The following PPM1E variants were observed in gnomAD, a reference collection of about 807,000 sequenced individuals.
The protein encoded by PPM1E is protein phosphatase 1E.
In PPM1E, 20 loss-of-function variants were observed where a neutral mutation model predicts 65.9. That is an observed-to-expected ratio of 0.30 (90% CI 0.21 to 0.44). The LOEUF (loss-of-function observed/expected upper bound fraction) is 0.44. PPM1E is among the 20% of genes least tolerant of loss of function. The pLI is 1.00. For missense variants in PPM1E, 713 were observed against 953.1 expected, an observed-to-expected ratio of 0.75 and a Z score of 3.32; for synonymous variants, 352 against 374.9, an observed-to-expected ratio of 0.94 and a Z score of 0.70.
rs568379332 is a variant in PPM1E at position 58,829,268 on chromosome 17, C to T, written c.464+72807C>T. Among the ~76,000 whole-genome samples, 16 of 152,202 alleles carry T rather than the reference C, an allele frequency of 1.1e-4. No individual in the cohort carries two copies. The South Asian group carries it at 3.3e-3, about 32-fold the overall frequency. ...TGTTGGTCAGGCTGGTCTCAAACTC[C>T]CAACCTCAGGTGATCCGTCTGCCTC... On this transcript the variant is annotated intron_variant, in intron 1 of 6. Transcript: ENST00000308249.
chr17:58,977,496 A>G (rs570891434), intron 6 of PPM1E, among the ~76,000 whole-genome samples: 1 of 152,016 alleles, frequency 6.6e-6, no homozygotes, highest in East Asian at 1.9e-4. Flanking sequence ...CCTAGATATG[A>G]GTAAGATGAG....
rs77856248 is a variant in PPM1E at position 58,756,093 on chromosome 17, G to A, written c.96G>A (p.Glu32=). The change falls in exon 1 of 7, where the codon GAG becomes GAA. Residue 32 remains glutamate (E), a synonymous_variant. Coordinates refer to ENST00000308249, the MANE Select transcript of PPM1E (RefSeq NM_014906.5). ...GACCGTGCGGCGGCGGCGAGCCGGAGCCGGAACCCGAACCCGAACCCGAAC... is the reference window on the plus strand; with the variant it reads ...GACCGTGCGGCGGCGGCGAGCCGGAACCGGAACCCGAACCCGAACCCGAAC... The part of the protein sequence containing the change: ...FRGPCGGGEP[E]PEPEPEPEPE... 1 of 1,323,036 alleles carries A rather than the reference G, an allele frequency of 7.6e-7. No homozygotes were observed. The highest frequency in any genetic ancestry group is 1.0e-6 in the Non-Finnish European group (1 of 970,902). The allele number at this position is 1,323,036 out of a possible 1,614,324, so 82.0% of individuals were successfully genotyped here. A position where few individuals can be genotyped will look rare whatever the true frequency, so the allele number is the denominator to read the frequency against.
Position 58,982,979 on chromosome 17 carries a change from G to A in PPM1E, c.*1948G>A. 1 of 1,446,572 alleles carries A rather than the reference G, an allele frequency of 6.9e-7. No individual in the cohort carries two copies. Among genetic ancestry groups the A allele is most frequent in the Middle Eastern group, 1.8e-4 (1 of 5,684 alleles). The allele number at this position is 1,446,572 out of a possible 1,614,324, so 89.6% of individuals were successfully genotyped here. A position where few individuals can be genotyped will look rare whatever the true frequency, so the allele number is the denominator to read the frequency against. ...ATTGGTACACATTATAGTCCAAAGT[G>A]CTTAGCGAAGTAAAAAAAAAAGCTT... On this transcript the variant is annotated 3_prime_UTR_variant, in exon 7 of 7. Transcript: ENST00000308249.
chr17:58,857,127 T>TTATC (rs1379132242), intron 1 of PPM1E, among the ~76,000 whole-genome samples: 1 of 152,218 alleles, frequency 6.6e-6, no homozygotes. Context: ...CTATGCCCTG[T>TTATC]TATCCCTAAA....
intron 1 of PPM1E, among the ~76,000 whole-genome samples, chr17:58,788,733 C>CTG (rs756440876): frequency 2.6e-4 from 40 of 152,266 alleles, no homozygotes; most frequent in Non-Finnish European, 4.9e-4. Flanking sequence ...AATTTAAAGA[C>CTG]TAAGACTTTA....
At chr17:58,831,627 G>A (rs919089693) in intron 1 of PPM1E, among the ~76,000 whole-genome samples, 7 of 152,178 alleles carry the variant, frequency 4.6e-5, no homozygotes, top group South Asian at 2.1e-4. Flanking sequence ...CCTTATACCC[G>A]CTGTCTGAGA....
intron 1 of PPM1E, among the ~76,000 whole-genome samples, chr17:58,917,597 TAAG>T (rs1242937822): frequency 3.3e-5 from 5 of 152,234 alleles, no homozygotes; most frequent in Non-Finnish European, 5.9e-5. Flanking sequence ...TGGTTTAACT[TAAG>T]CAGCACAGAA....
chr17:58,847,469 A>G (rs2050783353), intron 1 of PPM1E, among the ~76,000 whole-genome samples: 1 of 152,228 alleles, frequency 6.6e-6, no homozygotes, highest in South Asian at 2.1e-4. Context: ...GAAGGGATCC[A>G]GTTTCAGCTT....
chr17:58,763,017 C>T (rs2049838019), intron 1 of PPM1E, among the ~76,000 whole-genome samples: 1 of 151,944 alleles, frequency 6.6e-6, no homozygotes, highest in Admixed American at 6.6e-5. Context: ...GTATATCATT[C>T]TATAGTATGA....
intron 1 of PPM1E, among the ~76,000 whole-genome samples, chr17:58,951,670 CTT>C (rs1182427690): frequency 8.3e-6 from 1 of 120,306 alleles, no homozygotes; most frequent in Admixed American, 8.5e-5. Flanking sequence ...GTGAGACTCT[CTT>C]TAAAAAAAAA....
intron 1 of PPM1E, among the ~76,000 whole-genome samples, chr17:58,873,713 C>T (rs961911821): frequency 6.6e-6 from 1 of 151,274 alleles, no homozygotes; most frequent in African/African-American, 2.4e-5. Flanking sequence ...CCTGCCTCAG[C>T]ACCCCCAAGT....
intron 1 of PPM1E, among the ~76,000 whole-genome samples, chr17:58,851,220 A>T (rs1157939172): frequency 6.6e-6 from 1 of 152,104 alleles, no homozygotes; most frequent in African/African-American, 2.4e-5. Flanking sequence ...ATGGGTTCGA[A>T]CACCCTCCTG....
chr17:58,768,486 T>A (rs966517059), intron 1 of PPM1E, among the ~76,000 whole-genome samples: 12 of 152,154 alleles, frequency 7.9e-5, no homozygotes, highest in African/African-American at 2.9e-4. Context: ...GAATAAACCT[T>A]CCTTTGGAGG....
rs575046818 is a variant in PPM1E, at chr17:58,933,950, C to A, written c.465-21699C>A. ...TCTCTAGTAAATATACAAAAATTAGCTGGATGTGGCGGCACGCGCCTGTAA... is the reference window on the plus strand; with the variant it reads ...TCTCTAGTAAATATACAAAAATTAGATGGATGTGGCGGCACGCGCCTGTAA... On this transcript the variant is annotated intron_variant, in intron 1 of 6. Transcript: ENST00000308249. Among the ~76,000 whole-genome samples, 4 of 152,132 alleles carry A rather than the reference C, an allele frequency of 2.6e-5. No individual in the cohort carries two copies. The South Asian group carries it at 8.3e-4, about 31-fold the overall frequency.
intron 1 of PPM1E, among the ~76,000 whole-genome samples, chr17:58,908,832 CACTG>C (rs1292066726): frequency 1.3e-5 from 2 of 152,180 alleles, no homozygotes; most frequent in Non-Finnish European, 2.9e-5. Flanking sequence ...TACACCATTT[CACTG>C]ATAGTGTGAG....
chr17:58,921,543 A>AC (rs1395819219), intron 1 of PPM1E, among the ~76,000 whole-genome samples: 4 of 151,808 alleles, frequency 2.6e-5, no homozygotes, highest in African/African-American at 7.3e-5. Flanking sequence ...AAACAAACAA[A>AC]AAACAACATC....
chr17:58,888,333 ATGTCTTGTTCCCTTT>A (rs2051303417), intron 1 of PPM1E, among the ~76,000 whole-genome samples: 1 of 137,902 alleles, frequency 7.3e-6, no homozygotes. Flanking sequence ...TGGAATATTG[ATGTCTTGTTCCCTTT>A]TGGACTCTTC....
At chr17:58,913,146 T>C (rs764108504) in intron 1 of PPM1E, among the ~76,000 whole-genome samples, 1 of 152,152 alleles carries the variant, frequency 6.6e-6, no homozygotes, top group Non-Finnish European at 1.5e-5. Context: ...CCCTAATTTA[T>C]AGTGAGTTGG....
chr17:58,827,330 G>A (rs1421230116), intron 1 of PPM1E, among the ~76,000 whole-genome samples: 1 of 151,498 alleles, frequency 6.6e-6, no homozygotes, highest in Admixed American at 6.6e-5. Flanking sequence ...GTAGAGACAG[G>A]GTTTCGCCAT....
Sources: gnomAD v4.1 joint callset for allele counts (sites outside exome capture counted in the v4.1 genomes callset) on GRCh38, gnomAD v4.1.1 for gene constraint, MANE v1.5 for transcripts, NCBI Gene and HGNC (gene_info 2026-07-23, HGNC 2026-07-21) for gene names.